The following C3orf52 variants were observed in gnomAD, a reference collection of about 807,000 sequenced individuals.
The protein encoded by C3orf52 is TPA-induced transmembrane protein.
Under a neutral mutation model 24.8 loss-of-function variants are expected in C3orf52, and 22 were observed. That is an observed-to-expected ratio of 0.89 (90% CI 0.63 to 1.27). The LOEUF (loss-of-function observed/expected upper bound fraction) is 1.27. Ranked by LOEUF, C3orf52 falls within the 50% of genes most tolerant of loss-of-function variation. The pLI, the probability that C3orf52 is intolerant of heterozygous loss-of-function variation, is 0.00. For missense variants in C3orf52, 265 were observed against 260.7 expected, an observed-to-expected ratio of 1.02 and a Z score of -0.11; for synonymous variants, 93 against 100.2, an observed-to-expected ratio of 0.93 and a Z score of 0.43.
chr3:112,119,109 G>A (rs193186466), downstream of C3orf52, among the ~76,000 whole-genome samples: 373 of 152,262 alleles, frequency 2.4e-3, 2 homozygotes, highest in African/African-American at 8.3e-3. Context: ...CAGTCTGGGC[G>A]CGGTGGCTCA....
intron 4 of C3orf52, 100 bp from the exon 5 acceptor site, chr3:112,112,864 A>G: frequency 1.1e-6 from 1 of 900,034 alleles, no homozygotes; most frequent in Non-Finnish European, 1.8e-6. Flanking sequence ...GTACTGGAAG[A>G]ACATGCAAAA....
rs1315834575 is a variant in C3orf52, at chr3:112,117,826, A to G, written c.*1180A>G. 1 of 152,214 alleles carries G rather than the reference A, an allele frequency of 6.6e-6. No homozygotes were observed. Among genetic ancestry groups the G allele is most frequent in the African/African-American group, 2.4e-5 (1 of 41,444 alleles). The allele number at this position is 152,214 out of a possible 1,614,324, so 9.4% of individuals were successfully genotyped here. A position where few individuals can be genotyped will look rare whatever the true frequency, so the allele number is the denominator to read the frequency against. ...GTTGGGAAAAGAAATTTACCAGGAGAAAGAGTTTTGTGCTGTATTGTGAGA... is the reference window on the plus strand; with the variant it reads ...GTTGGGAAAAGAAATTTACCAGGAGGAAGAGTTTTGTGCTGTATTGTGAGA... On this transcript the variant is annotated 3_prime_UTR_variant, in exon 6 of 6. Transcript: ENST00000264848.
chr3:112,120,305 C>G (rs1018804750), downstream of C3orf52, among the ~76,000 whole-genome samples: 4 of 152,228 alleles, frequency 2.6e-5, no homozygotes, highest in African/African-American at 9.6e-5. Context: ...CTGGAGACTT[C>G]TATTTCCTGT....
chr3:112,132,051 AACAATC>A (rs1286669385), downstream of C3orf52, among the ~76,000 whole-genome samples: 4 of 152,214 alleles, frequency 2.6e-5, no homozygotes, highest in African/African-American at 9.7e-5. Flanking sequence ...ATAAATAAGA[AACAATC>A]ACTACATTTG....
chr3:112,103,599 A>C (rs1250197724), intron 3 of C3orf52, among the ~76,000 whole-genome samples: 1 of 152,188 alleles, frequency 6.6e-6, no homozygotes, highest in Non-Finnish European at 1.5e-5. Context: ...GTCCAAGTAC[A>C]GGAAGTGACT....
At chr3:112,112,592 G>A (rs140094393) in intron 4 of C3orf52, 5 of 259,006 alleles carry the variant, frequency 1.9e-5, no homozygotes, top group African/African-American at 8.7e-5. Flanking sequence ...GAGAAAAGGG[G>A]AGGCTTCCCT....
chr3:112,111,866 C>T (rs1406833686), intron 4 of C3orf52: 1 of 152,238 alleles, frequency 6.6e-6, no homozygotes, highest in Non-Finnish European at 1.5e-5. Flanking sequence ...AGAGTCCTGA[C>T]TCTCCATTAT....
downstream of C3orf52, chr3:112,132,931 T>C: frequency 1.5e-6 from 1 of 647,034 alleles, no homozygotes; most frequent in Non-Finnish European, 2.6e-6. Context: ...TTTAATGTGG[T>C]ATCTGGCACA....
intron 1 of C3orf52, among the ~76,000 whole-genome samples, 163 bp from the exon 2 acceptor site, chr3:112,093,197 G>A (rs2073895035): frequency 6.6e-6 from 1 of 152,178 alleles, no homozygotes. Flanking sequence ...ATGAGGTTCT[G>A]TTCTGCCTCT....
At chr3:112,113,827 C>T (rs2074109414) in intron 5 of C3orf52, among the ~76,000 whole-genome samples, 1 of 152,194 alleles carries the variant, frequency 6.6e-6, no homozygotes, top group South Asian at 2.1e-4. Flanking sequence ...GGTCAGAAGG[C>T]CAAATGGCTT....
Position 112,117,720 on chromosome 3 carries a change from T to TG in C3orf52, c.*1080dup, listed in dbSNP as rs1373239205. On this transcript the variant is annotated 3_prime_UTR_variant, in exon 6 of 6. Coordinates refer to ENST00000264848, the MANE Select transcript of C3orf52 (RefSeq NM_024616.3). ...CTCTTGGAAGCTTTTGCCAGCTATT[T>TG]GGGGGGTAGGAGGAATATTAGCAAC... 5 of 152,184 alleles carry TG rather than the reference T, an allele frequency of 3.3e-5. No individual in the cohort carries two copies. Among genetic ancestry groups the TG allele is most frequent in the African/African-American group, 1.2e-4 (5 of 41,430 alleles). 9.4% of individuals were successfully genotyped at this position (152,184 alleles called of 1,614,324 possible).
intron 1 of C3orf52, among the ~76,000 whole-genome samples, chr3:112,088,542 T>TGAAGAAATTGAGGGAGGCTCA (rs146428345): frequency 0.06 from 9,151 of 152,102 alleles, 375 homozygotes; most frequent in African/African-American, 0.12. Flanking sequence ...AGATGCTGAG[T>TGAAGAAATTGAGGGAGGCTCA]GAAGAAATTG....
intron 3 of C3orf52, among the ~76,000 whole-genome samples, chr3:112,103,308 C>A (rs532836530): frequency 6.6e-6 from 1 of 152,160 alleles, no homozygotes; most frequent in Admixed American, 6.5e-5. Context: ...TACAACAAAC[C>A]GCCATGACAC....
At chr3:112,134,542 G>T (rs1374959949), downstream of C3orf52, 1 of 152,032 alleles carries the variant, frequency 6.6e-6, no homozygotes, top group East Asian at 1.9e-4. Context: ...CCCGAGAAGG[G>T]GTCAAGGGAA....
At chr3:112,093,333 C>T in intron 1 of C3orf52, 27 bp from the exon 2 acceptor site, 1 of 1,612,066 alleles carries the variant, frequency 6.2e-7, no homozygotes, top group Non-Finnish European at 8.5e-7. Context: ...ACAATGACTG[C>T]CTCACAATCT....
chr3:112,093,445 T>G lies in C3orf52; in HGVS notation c.224T>G (p.Leu75Arg). The G allele has an allele frequency of 1.2e-6, 2 of 1,613,826 alleles. No homozygotes were observed. Among genetic ancestry groups the G allele is most frequent in the Middle Eastern group, 1.6e-4 (1 of 6,062 alleles). The change falls in exon 2 of 6, where the codon CTA (leucine) becomes CGA (arginine). Residue 75 changes from leucine (L) to arginine (R), a missense_variant. Transcript: ENST00000264848. ...KLWMIITSIF[L>R]GVITVIIIGL... is the part of the protein sequence containing the mutation. ...TGGATGATCATCACCTCCATTTTCCTAGGTGTCATTACAGTGATCATCATA... is the reference window on the plus strand; with the variant it reads ...TGGATGATCATCACCTCCATTTTCCGAGGTGTCATTACAGTGATCATCATA...
chr3:112,115,226 G>T (rs563531668), intron 5 of C3orf52, among the ~76,000 whole-genome samples: 1 of 152,310 alleles, frequency 6.6e-6, no homozygotes, highest in East Asian at 1.9e-4. Context: ...CCCTCTCAAA[G>T]GGAAGGGTGC....
In C3orf52 at chr3:112,102,859, AAAATG is replaced by A. The variant is rs1159359496; in HGVS notation, c.295_299del (p.Glu99ThrfsTer2). On this transcript the variant is annotated frameshift_variant, in exon 3 of 6. Coordinates refer to ENST00000264848, the MANE Select transcript of C3orf52 (RefSeq NM_024616.3). LOFTEE classifies it high-confidence loss of function. The stretch of plus-strand genomic sequence containing the variant: ...TTAGTAACTTATGTTGATGAAGATG[AAAATG>A]AAATACTTGAATTATCATCAAACAA... 6.4e-7 allele frequency: 1 copy of A among 1,573,118 alleles called. No individual in the cohort carries two copies. The highest frequency in any genetic ancestry group is 1.3e-5 in the African/African-American group (1 of 74,196).
intron 3 of C3orf52, among the ~76,000 whole-genome samples, chr3:112,106,372 C>T (rs986807249): frequency 1.3e-5 from 2 of 152,148 alleles, no homozygotes; most frequent in Non-Finnish European, 2.9e-5. Flanking sequence ...GGACTACACG[C>T]ATGCACCATC....
Sources: allele counts gnomAD v4.1 joint callset (sites outside exome capture counted in the v4.1 genomes callset), GRCh38; gene constraint gnomAD v4.1.1; transcripts MANE v1.5; gene names NCBI Gene and HGNC (gene_info 2026-07-23, HGNC 2026-07-21).